PIK3C2G: variants seen among roughly 807,000 people sequenced by gnomAD.
PIK3C2G encodes phosphatidylinositol 3-kinase C2 domain-containing subunit gamma.
PIK3C2G carries 168 observed loss-of-function variants against 181.1 expected under a neutral mutation model. The observed-to-expected ratio is 0.93, with a 90% CI of 0.82 to 1.05. PIK3C2G has a LOEUF of 1.05. Among genes scored for constraint, PIK3C2G ranks in the 50% least tolerant of loss-of-function variants. The probability of loss-of-function intolerance (pLI) is 0.00; values close to 1 mark genes in which losing one functional copy is unlikely to be tolerated. For synonymous variants in PIK3C2G, 573 were observed against 592.2 expected (o/e 0.97, Z 0.47); for missense variants, 1,869 against 1,732.8 (o/e 1.08, Z -1.40).
At chr12:18,325,186 T>TACGTC in intron 8 of PIK3C2G, 88 bp downstream of exon 8, 1 of 687,640 alleles carries the variant, frequency 1.5e-6, no homozygotes, top group Non-Finnish European at 2.5e-6. Flanking sequence ...ATTTTGAAGA[T>TACGTC]GACAAAAATG....
intron 7 of PIK3C2G, among the ~76,000 whole-genome samples, chr12:18,321,929 G>A (rs1951128500): frequency 6.6e-6 from 1 of 152,130 alleles, no homozygotes; most frequent in Non-Finnish European, 1.5e-5. Context: ...ACACACACTG[G>A]GGCCCATCAG....
chr12:18,622,737 T>C (rs1171505131), intron 31 of PIK3C2G, among the ~76,000 whole-genome samples: 2 of 151,886 alleles, frequency 1.3e-5, no homozygotes, highest in African/African-American at 4.8e-5. Flanking sequence ...TTTTTGATAA[T>C]AGCTATTCTA....
chr12:18,428,108 A>T (rs1348127726), intron 18 of PIK3C2G, among the ~76,000 whole-genome samples: 1 of 152,010 alleles, frequency 6.6e-6, no homozygotes, highest in Non-Finnish European at 1.5e-5. Flanking sequence ...TCCCCTTAAA[A>T]CAAATAAAAA....
intron 15 of PIK3C2G, among the ~76,000 whole-genome samples, chr12:18,394,770 T>C (rs1943752845): frequency 6.6e-6 from 1 of 151,314 alleles, no homozygotes; most frequent in Admixed American, 6.6e-5. Flanking sequence ...AAAAAGAAAA[T>C]AAACCTTGAA....
chr12:18,393,357 G>A (rs1219477666), intron 15 of PIK3C2G, among the ~76,000 whole-genome samples: 1 of 152,024 alleles, frequency 6.6e-6, no homozygotes, highest in Non-Finnish European at 1.5e-5. Context: ...TCAATGTGGT[G>A]AAACTTGTGT....
chr12:18,685,689 G>A, the PIK3C2G span: 5 of 513,108 alleles, frequency 9.7e-6, no homozygotes, highest in Non-Finnish European at 1.9e-5. Context: ...ATGGGGTACA[G>A]AGGCAGGTTT....
chr12:18,581,293 T>C (rs752977595), intron 29 of PIK3C2G, among the ~76,000 whole-genome samples: 9 of 152,224 alleles, frequency 5.9e-5, no homozygotes, highest in Non-Finnish European at 8.8e-5. Flanking sequence ...GAAAATCCTA[T>C]ATTAGATAAA....
At chr12:18,575,618 T>G (rs1946196566) in intron 29 of PIK3C2G, among the ~76,000 whole-genome samples, 2 of 151,942 alleles carry the variant, frequency 1.3e-5, no homozygotes, top group Admixed American at 6.6e-5. Context: ...CCTAAGGAGG[T>G]GTACTCAACT....
chr12:18,282,745 C>G lies in PIK3C2G; in HGVS notation c.664C>G (p.Gln222Glu). The stretch of plus-strand genomic sequence containing the variant: ...ACCCGGAATGTGGGAAAGTACATGG[C>G]AGAAGAATATAGAGGTAAGTATAAT... ...LQPGMWESTW[Q>E]KNIESIGCSI... Residue 222 changes from glutamine (Q) to glutamate (E), a missense_variant, in exon 2 of 33, where the codon CAG becomes GAG. Physicochemically the swap from Gln to Glu is conservative, Grantham distance 29. Coordinates refer to ENST00000538779, the MANE Select transcript of PIK3C2G (RefSeq NM_001288772.2). 6.3e-7 allele frequency: 1 copy of G among 1,598,440 alleles called. No individual in the cohort carries two copies. The highest frequency in any genetic ancestry group is 1.1e-5 in the South Asian group (1 of 88,878).
At chr12:18,328,017 T>C (rs1049739902) in intron 8 of PIK3C2G, among the ~76,000 whole-genome samples, 3 of 151,942 alleles carry the variant, frequency 2.0e-5, no homozygotes, top group African/African-American at 7.2e-5. Context: ...ATATGTTGTC[T>C]CCAAAATTCT....
intron 8 of PIK3C2G, among the ~76,000 whole-genome samples, chr12:18,327,235 A>G (rs1951386476): frequency 6.6e-6 from 1 of 152,142 alleles, no homozygotes; most frequent in South Asian, 2.1e-4. Flanking sequence ...TGAAACATCA[A>G]TAGTAAATAT....
chr12:18,293,712 C>T (rs1013203477), intron 4 of PIK3C2G, among the ~76,000 whole-genome samples, 189 bp from the exon 5 acceptor site: 3 of 152,248 alleles, frequency 2.0e-5, no homozygotes, highest in Non-Finnish European at 2.9e-5. Context: ...TTGCAAACAA[C>T]ATTTTCCCCA....
At chr12:18,520,030 T>C (rs1314758868) in intron 24 of PIK3C2G, among the ~76,000 whole-genome samples, 2 of 145,544 alleles carry the variant, frequency 1.4e-5, no homozygotes, top group Non-Finnish European at 3.0e-5. Context: ...AAAAAAAGAA[T>C]GTTGAATATC....
intron 18 of PIK3C2G, among the ~76,000 whole-genome samples, chr12:18,440,476 A>G (rs1946681840): frequency 6.6e-6 from 1 of 152,158 alleles, no homozygotes; most frequent in Non-Finnish European, 1.5e-5. Flanking sequence ...GGTAGTTGCA[A>G]TTTTAAGCTG....
the PIK3C2G span, among the ~76,000 whole-genome samples, chr12:18,709,747 A>G: frequency 1.3e-5 from 2 of 152,086 alleles, no homozygotes; most frequent in African/African-American, 4.8e-5. Context: ...ATTGCTTTAG[A>G]CAGCATGAAC....
intron 18 of PIK3C2G, among the ~76,000 whole-genome samples, chr12:18,472,899 C>T (rs1439131209): frequency 6.6e-6 from 1 of 152,114 alleles, no homozygotes; most frequent in Non-Finnish European, 1.5e-5. Flanking sequence ...GCGGTTTCAC[C>T]ATGTTGGCCA....
intron 7 of PIK3C2G, among the ~76,000 whole-genome samples, chr12:18,321,640 C>G (rs1951112215): frequency 6.6e-6 from 1 of 152,046 alleles, no homozygotes; most frequent in African/African-American, 2.4e-5. Flanking sequence ...TCATAAATCT[C>G]TAAAGTAAAG....
the PIK3C2G span, among the ~76,000 whole-genome samples, chr12:18,677,135 A>G: frequency 6.6e-6 from 1 of 152,116 alleles, no homozygotes; most frequent in Non-Finnish European, 1.5e-5. Flanking sequence ...AGTCTGTATC[A>G]GGGCTTTGGC....
At chr12:18,318,716 A>AT (rs1026291803) in intron 6 of PIK3C2G, among the ~76,000 whole-genome samples, 5 of 151,740 alleles carry the variant, frequency 3.3e-5, no homozygotes, top group African/African-American at 9.7e-5. Flanking sequence ...CTTAGATAAT[A>AT]TTTTTATTTT....
Sources: gnomAD v4.1 joint callset for allele counts (sites outside exome capture counted in the v4.1 genomes callset) on GRCh38, gnomAD v4.1.1 for gene constraint, MANE v1.5 for transcripts, NCBI Gene and HGNC (gene_info 2026-07-23, HGNC 2026-07-21) for gene names.